The following ASH1L variants were observed in gnomAD, a reference collection of about 807,000 sequenced individuals.
The protein encoded by ASH1L is histone-lysine N-methyltransferase ASH1L.
ASH1L carries 23 observed loss-of-function variants against 269.0 expected under a neutral mutation model. That is an observed-to-expected ratio of 0.09 (90% CI 0.06 to 0.12). ASH1L has a LOEUF of 0.12. ASH1L is among the 10% of genes least tolerant of loss of function. The pLI is 1.00. For missense variants in ASH1L, 2,912 were observed against 3,567.8 expected (o/e 0.82, Z 4.68); for synonymous variants, 1,187 against 1,253.5 (o/e 0.95, Z 1.12).
At chr1:155,361,149 CGAG>C (rs1654905623) in intron 12 of ASH1L, among the ~76,000 whole-genome samples, 1 of 151,586 alleles carries the variant, frequency 6.6e-6, no homozygotes, top group African/African-American at 2.4e-5. Context: ...TTTGGGAGGC[CGAG>C]GAGGGCAGAT....
intron 7 of ASH1L, among the ~76,000 whole-genome samples, chr1:155,384,223 A>G (rs1657221432): frequency 6.6e-6 from 1 of 152,096 alleles, no homozygotes; most frequent in Non-Finnish European, 1.5e-5. Context: ...TGCTTTACTC[A>G]TAGGGTACAT....
intron 3 of ASH1L, among the ~76,000 whole-genome samples, chr1:155,467,388 G>T (rs1021609612): frequency 6.6e-6 from 1 of 152,118 alleles, no homozygotes; most frequent in Non-Finnish European, 1.5e-5. Context: ...TAATTTTACT[G>T]TAATTTCACT....
At position 155,482,091 on chromosome 1, in the gene ASH1L, C is replaced by G. The variant is rs1163166966; in HGVS notation, c.779G>C (p.Gly260Ala). 1 of 1,613,964 alleles carries G rather than the reference C, an allele frequency of 6.2e-7. No homozygotes were observed. The highest frequency in any genetic ancestry group is 8.5e-7 in the Non-Finnish European group (1 of 1,180,012). ...CTTATGTATTATTCCAGCTACAGAGCCAACACCTGCTTTCCTGATCAAATC... is the reference window on the plus strand; with the variant it reads ...CTTATGTATTATTCCAGCTACAGAGGCAACACCTGCTTTCCTGATCAAATC... ...SKDLIRKAGV[G>A]SVAGIIHKDL... is the part of the protein sequence containing the mutation. The change falls in exon 3 of 28, where the codon GGC becomes GCC. Residue 260 changes from glycine (G) to alanine (A), a missense_variant. This residue lies in a region of ASH1L where 277 missense variants were observed against 367.7 expected (regional missense o/e 0.75). Transcript: ENST00000392403.
Position 155,336,254 on chromosome 1 carries a change from A to G in ASH1L, c.*1406T>C, listed in dbSNP as rs1298863613. On this transcript the variant is annotated 3_prime_UTR_variant, in exon 28 of 28. Transcript: ENST00000392403. ...TCGTCACCATAAGGGGAAATGTACA[A>G]TTAGGACAGCATTGGTCCAATATTA... The G allele has an allele frequency of 1.3e-5, 2 of 152,490 alleles. No individual in the cohort carries two copies. The highest frequency in any genetic ancestry group is 4.8e-5 in the African/African-American group (2 of 41,346). The allele number at this position is 152,490 out of a possible 1,614,324, so 9.4% of individuals were successfully genotyped here. A position where few individuals can be genotyped will look rare whatever the true frequency, so the allele number is the denominator to read the frequency against.
In ASH1L at chr1:155,478,218, TTTA is replaced by T. The variant is rs1558146081; in HGVS notation, c.4649_4651del (p.Ile1550del). The T allele has an allele frequency of 6.2e-7, 1 of 1,609,480 alleles. No individual in the cohort carries two copies. The highest frequency in any genetic ancestry group is 1.1e-5 in the South Asian group (1 of 90,874). On this transcript the variant is annotated inframe_deletion, in exon 3 of 28. Transcript: ENST00000392403. This position sits in a 1 kb window ranked among gnomAD's most constrained non-coding sequence, Gnocchi z 4.6. ...TCGGTGGACCCACTGTTCCTCTCTG[TTTA>T]TTAAGCTTTTTGAAGGAGAGAGATG...
intron 3 of ASH1L, among the ~76,000 whole-genome samples, chr1:155,468,097 T>G (rs926225480): frequency 6.6e-5 from 10 of 152,168 alleles, no homozygotes; most frequent in Non-Finnish European, 1.5e-5. Context: ...GGATATCACA[T>G]TGTATTTAGT....
At chr1:155,483,055 T>A (rs1000269861) in intron 2 of ASH1L, among the ~76,000 whole-genome samples, 2 of 152,180 alleles carry the variant, frequency 1.3e-5, no homozygotes, top group Non-Finnish European at 2.9e-5. Context: ...TATAAAATCT[T>A]AGAATGGGAA....
At chr1:155,473,632 G>A (rs1665289967) in intron 3 of ASH1L, among the ~76,000 whole-genome samples, 1 of 151,718 alleles carries the variant, frequency 6.6e-6, no homozygotes, top group Admixed American at 6.6e-5. Context: ...GAGTAGCCAG[G>A]ACTACAGGCG....
chr1:155,393,090 C>G (rs1658078302), intron 7 of ASH1L, among the ~76,000 whole-genome samples: 1 of 152,178 alleles, frequency 6.6e-6, no homozygotes, highest in Non-Finnish European at 1.5e-5. Context: ...AAGACTCTTT[C>G]AAAAGAGCTT....
In ASH1L at chr1:155,335,639, G is replaced by C. The variant is rs1384151068; in HGVS notation, c.*2021C>G. 6.6e-6 allele frequency: 1 copy of C among 152,444 alleles called. No individual in the cohort carries two copies. The highest frequency in any genetic ancestry group is 1.9e-4 in the East Asian group (1 of 5,326). 9.4% of individuals were successfully genotyped at this position (152,444 alleles called of 1,614,324 possible). A position where few individuals can be genotyped will look rare whatever the true frequency, so the allele number is the denominator to read the frequency against. On this transcript the variant is annotated 3_prime_UTR_variant, in exon 28 of 28. Coordinates refer to ENST00000392403, the MANE Select transcript of ASH1L (RefSeq NM_018489.3). ...CACCAGTAAGAAAAAACAAGTTTTTGCACTTACCTAACATTTGATTGTCTA... is the reference window on the plus strand; with the variant it reads ...CACCAGTAAGAAAAAACAAGTTTTTCCACTTACCTAACATTTGATTGTCTA...
chr1:155,499,036 T>C (rs1307339318), intron 2 of ASH1L, among the ~76,000 whole-genome samples: 1 of 152,154 alleles, frequency 6.6e-6, no homozygotes, highest in Non-Finnish European at 1.5e-5. Context: ...CACAATGGGC[T>C]TTTCTTAAAT....
intron 1 of ASH1L, 81 bp from the exon 2 acceptor site, chr1:155,521,699 AAGG>A (rs1217641468): frequency 4.1e-6 from 2 of 488,904 alleles, no homozygotes; most frequent in African/African-American, 4.0e-5. Context: ...AGGGGAAGAC[AAGG>A]AGGTCAACAA....
intron 1 of ASH1L, among the ~76,000 whole-genome samples, chr1:155,551,179 T>C (rs116229612): frequency 2.6e-5 from 4 of 152,264 alleles, no homozygotes; most frequent in African/African-American, 9.6e-5. Context: ...AGCATTTTAT[T>C]TGATTCTTAA....
At chr1:155,404,198 T>G (rs1659079871) in intron 6 of ASH1L, among the ~76,000 whole-genome samples, 1 of 149,336 alleles carries the variant, frequency 6.7e-6, no homozygotes, top group South Asian at 2.1e-4. Flanking sequence ...TCTGAAAAAA[T>G]AAAAAAATTA....
At chr1:155,367,778 A>C (rs1655569702) in intron 12 of ASH1L, among the ~76,000 whole-genome samples, 1 of 152,194 alleles carries the variant, frequency 6.6e-6, no homozygotes, top group African/African-American at 2.4e-5. Flanking sequence ...TGAATGTTAA[A>C]CCAAACAATC....
chr1:155,343,384 G>C lies in ASH1L; in HGVS notation c.8223C>G (p.Leu2741=). The C allele has an allele frequency of 6.2e-7, 1 of 1,614,210 alleles. No individual in the cohort carries two copies. Among genetic ancestry groups the C allele is most frequent in the African/African-American group, 1.3e-5 (1 of 75,058 alleles). Residue 2741 remains leucine, a synonymous_variant, in exon 24 of 28, where the codon CTC becomes CTG. Transcript: ENST00000392403. The surrounding 1 kb of genome is among the most constrained non-coding windows in gnomAD (Gnocchi z 6.1). The part of the protein sequence containing the change: ...FYHNELFRVP[L]YEIIPLEAVV... ...CAGCCTCCAAGGGAATGATCTCATA[G>C]AGTGGCACCCGAAATAGTTCATTAT...
chr1:155,455,406 G>T (rs1042469721), intron 4 of ASH1L, among the ~76,000 whole-genome samples: 1 of 152,098 alleles, frequency 6.6e-6, no homozygotes, highest in Admixed American at 6.6e-5. Context: ...TATCCCTTTG[G>T]ATTTATCTCA....
At chr1:155,548,247 T>C (rs914944330) in intron 1 of ASH1L, among the ~76,000 whole-genome samples, 2 of 152,170 alleles carry the variant, frequency 1.3e-5, no homozygotes, top group Non-Finnish European at 2.9e-5. Context: ...ATGAGCTGGA[T>C]GCAGTGGCTC....
intron 5 of ASH1L, among the ~76,000 whole-genome samples, chr1:155,436,874 C>A (rs1662143358): frequency 6.6e-6 from 1 of 152,132 alleles, no homozygotes; most frequent in Non-Finnish European, 1.5e-5. Context: ...TAAAGTAAGA[C>A]TACAACTTCA....
Sources: allele counts gnomAD v4.1 joint callset (sites outside exome capture counted in the v4.1 genomes callset), GRCh38; gene constraint gnomAD v4.1.1; regional missense constraint gnomAD v4.1.1; non-coding constraint Gnocchi (gnomAD v3.1); transcripts MANE v1.5; gene names NCBI Gene and HGNC (gene_info 2026-07-23, HGNC 2026-07-21).